MCUB: variants seen among roughly 807,000 people sequenced by gnomAD.
The protein encoded by MCUB is calcium uniporter regulatory subunit MCUb, mitochondrial.
MCUB carries 46 observed loss-of-function variants against 41.4 expected under a neutral mutation model. That is an observed-to-expected ratio of 1.11 (90% confidence interval 0.88 to 1.42). The LOEUF is 1.42. Ranked by LOEUF, MCUB falls within the 40% of genes most tolerant of loss-of-function variation. The probability of loss-of-function intolerance (pLI) is 0.00; values close to 1 mark genes in which losing one functional copy is unlikely to be tolerated. For synonymous variants in MCUB, 148 were observed against 148.2 expected (o/e 1.00, Z 0.01); for missense variants, 403 against 404.9 (o/e 1.00, Z 0.04).
chr4:109,668,088 T>A (rs1197432015), intron 4 of MCUB, among the ~76,000 whole-genome samples: 1 of 152,144 alleles, frequency 6.6e-6, no homozygotes, highest in Non-Finnish European at 1.5e-5. Flanking sequence ...ATGTTCCCTG[T>A]GAACTTGAGA....
At chr4:109,683,382 G>A (rs1180577555) in intron 5 of MCUB, among the ~76,000 whole-genome samples, 1 of 152,026 alleles carries the variant, frequency 6.6e-6, no homozygotes, top group Admixed American at 6.6e-5. Context: ...TACCTCTAAG[G>A]GTATTTGGAG....
intron 1 of MCUB, among the ~76,000 whole-genome samples, chr4:109,633,148 CAGA>C (rs1466178983): frequency 6.6e-6 from 1 of 152,064 alleles, no homozygotes; most frequent in African/African-American, 2.4e-5. Context: ...AAATTTATAA[CAGA>C]AGCGACAGAA....
At chr4:109,576,080 C>A (rs1727020104) in intron 1 of MCUB, among the ~76,000 whole-genome samples, 1 of 152,132 alleles carries the variant, frequency 6.6e-6, no homozygotes, top group South Asian at 2.1e-4. Flanking sequence ...CATTTTCTAC[C>A]ATGTGGACCA....
intron 1 of MCUB, among the ~76,000 whole-genome samples, chr4:109,644,452 T>C (rs559609853): frequency 1.3e-4 from 20 of 152,208 alleles, no homozygotes; most frequent in Non-Finnish European, 2.8e-4. Context: ...CCCACCTCAT[T>C]AAAAACTTTG....
At chr4:109,605,206 A>G (rs1727842177) in intron 1 of MCUB, among the ~76,000 whole-genome samples, 1 of 151,340 alleles carries the variant, frequency 6.6e-6, no homozygotes. Context: ...GTTACTTGTT[A>G]TTGGTCTGTT....
chr4:109,643,360 T>C (rs762718245), intron 1 of MCUB, among the ~76,000 whole-genome samples: 2 of 151,154 alleles, frequency 1.3e-5, no homozygotes, highest in African/African-American at 2.4e-5. Flanking sequence ...AATTTTTGTA[T>C]TTTTAGCAAG....
chr4:109,651,295 G>C (rs1044650140), intron 1 of MCUB, among the ~76,000 whole-genome samples: 2 of 152,122 alleles, frequency 1.3e-5, no homozygotes, highest in Admixed American at 1.3e-4. Flanking sequence ...GGGTTCTTTT[G>C]ATAAGTCTTC....
chr4:109,626,587 C>T lies in MCUB; in HGVS notation c.100-32424C>T, dbSNP rs141804376. On this transcript the variant is annotated intron_variant, in intron 1 of 7. Transcript: ENST00000394650. ...TAGCACTTTGGGAGGCCGAGGCAGG[C>T]GGATCACCTGAGGTCAGAAGTTTGA... 3.7e-3 allele frequency among the ~76,000 whole-genome samples: 568 copies of T among 151,810 alleles called. 7 individuals carry two copies. The highest frequency in any genetic ancestry group is 0.015 in the East Asian group (76 of 5,166).
chr4:109,615,856 A>G (rs1728115506), intron 1 of MCUB, among the ~76,000 whole-genome samples: 1 of 152,218 alleles, frequency 6.6e-6, no homozygotes, highest in South Asian at 2.1e-4. Context: ...ACATCTGAGA[A>G]GGGTCACTAT....
intron 1 of MCUB, among the ~76,000 whole-genome samples, chr4:109,566,114 C>T (rs966206565): frequency 6.6e-6 from 1 of 151,432 alleles, no homozygotes; most frequent in East Asian, 2.0e-4. Context: ...CCTTGGCCAC[C>T]CAAAGTGCTG....
intron 1 of MCUB, among the ~76,000 whole-genome samples, chr4:109,613,431 TC>T (rs1004954875): frequency 6.6e-6 from 1 of 152,188 alleles, no homozygotes; most frequent in African/African-American, 2.4e-5. Flanking sequence ...TCAGGTCCAC[TC>T]ACTGGTTGTT....
intron 1 of MCUB, among the ~76,000 whole-genome samples, chr4:109,570,465 A>C (rs564808341): frequency 1.3e-5 from 2 of 152,382 alleles, no homozygotes; most frequent in South Asian, 4.1e-4. Flanking sequence ...AAAGGTCCAA[A>C]TAGTAAACAT....
intron 1 of MCUB, among the ~76,000 whole-genome samples, chr4:109,587,845 C>CT (rs1473463774): frequency 1.3e-5 from 2 of 152,098 alleles, no homozygotes; most frequent in African/African-American, 4.8e-5. Flanking sequence ...ATTCAAAAGT[C>CT]TTTTCTCAGA....
At chr4:109,604,490 C>T (rs1258349468) in intron 1 of MCUB, among the ~76,000 whole-genome samples, 1 of 152,078 alleles carries the variant, frequency 6.6e-6, no homozygotes, top group African/African-American at 2.4e-5. Context: ...TCTTCCTTTC[C>T]AGTTTGGATG....
At chr4:109,614,981 C>G (rs968907051) in intron 1 of MCUB, among the ~76,000 whole-genome samples, 1 of 152,076 alleles carries the variant, frequency 6.6e-6, no homozygotes, top group African/African-American at 2.4e-5. Context: ...ACTGTTTAAC[C>G]TTAGGATTTG....
At chr4:109,650,468 G>C (rs1347808615) in intron 1 of MCUB, among the ~76,000 whole-genome samples, 1 of 152,022 alleles carries the variant, frequency 6.6e-6, no homozygotes, top group Non-Finnish European at 1.5e-5. Flanking sequence ...TATTGTTTTT[G>C]AATTATTAAT....
At chr4:109,656,354 CTTTTTTTTTTTTTTTTTT>C (rs752851425) in intron 1 of MCUB, among the ~76,000 whole-genome samples, 26 of 62,116 alleles carry the variant, frequency 4.2e-4, no homozygotes, top group South Asian at 2.1e-3. Flanking sequence ...TTACTCTCTA[CTTTTTTTTTTTTTTTTTT>C]TTTTTTTTTT....
intron 4 of MCUB, among the ~76,000 whole-genome samples, chr4:109,679,833 T>C (rs574988432): frequency 6.6e-6 from 1 of 151,842 alleles, no homozygotes; most frequent in African/African-American, 2.4e-5. Flanking sequence ...ACAGAGTCTC[T>C]CTGTGTCACC....
intron 4 of MCUB, chr4:109,673,792 T>C: frequency 4.7e-6 from 3 of 638,926 alleles, no homozygotes; most frequent in South Asian, 2.0e-5. Context: ...CAGAAGCCGG[T>C]TGGCGGGTGA....
Sources: allele counts gnomAD v4.1 joint callset (sites outside exome capture counted in the v4.1 genomes callset), GRCh38; gene constraint gnomAD v4.1.1; transcripts MANE v1.5; gene names NCBI Gene and HGNC (gene_info 2026-07-23, HGNC 2026-07-21).